MMP27: variants seen among roughly 807,000 people sequenced by gnomAD.
MMP27 encodes the protein matrix metalloproteinase-27.
MMP27 carries 51 observed loss-of-function variants against 48.1 expected under a neutral mutation model. The observed-to-expected ratio is 1.06, with a 90% CI of 0.85 to 1.34. The LOEUF is 1.34. MMP27 is among the 40% of genes most tolerant of loss of function. The pLI is 0.00. For missense variants in MMP27, 698 were observed against 619.3 expected (o/e 1.13, Z -1.35); for synonymous variants, 229 against 208.9 (o/e 1.10, Z -0.83).
chr11:102,692,397 T>C (rs555638530), intron 9 of MMP27, among the ~76,000 whole-genome samples: 2 of 152,306 alleles, frequency 1.3e-5, no homozygotes, highest in East Asian at 3.9e-4. Context: ...GGTTTTGAGG[T>C]TCTGTGTTAG....
Position 102,702,757 on chromosome 11 carries a change from T to C in MMP27, c.615A>G (p.Gly205=). 6.2e-7 allele frequency: 1 copy of C among 1,607,926 alleles called. No individual in the cohort carries two copies. Among genetic ancestry groups the C allele is most frequent in the Middle Eastern group, 1.7e-4 (1 of 6,014 alleles). ...CATAAAGAAAATTAGACTCACCTGC[T>C]CCATCCTTGGTCCAGTTTTCATCCT... is the stretch of plus-strand genomic sequence containing the variant. ...FDEDENWTKD[G]AGFNLFLVAA... Residue 205 remains glycine (G), a synonymous_variant, in exon 4 of 10, where the codon GGA becomes GGG. Transcript: ENST00000260229.
rs1469299137 is a variant in MMP27 at position 102,704,567 on chromosome 11, G to A, written c.311C>T (p.Pro104Leu). ...GGTGAGGTTGTATTTTCTCCACCCA[G>A]GGAGGGTGTAGCCATACTGGCCCAC... is the stretch of plus-strand genomic sequence containing the variant. ...PDVGQYGYTL[P>L]GWRKYNLTYR... is the part of the protein sequence containing the mutation. The change falls in exon 2 of 10, where the codon CCT (proline) becomes CTT (leucine). Residue 104 changes from proline (P) to leucine (L), a missense_variant. Transcript: ENST00000260229. The A allele has an allele frequency of 1.2e-6, 2 of 1,613,828 alleles. No individual in the cohort carries two copies. Among genetic ancestry groups the A allele is most frequent in the South Asian group, 1.1e-5 (1 of 91,072 alleles).
chr11:102,704,575 G>A lies in MMP27; in HGVS notation c.303C>T (p.Tyr101=). 1.2e-6 allele frequency: 2 copies of A among 1,614,070 alleles called. No individual in the cohort carries two copies. The highest frequency in any genetic ancestry group is 1.7e-6 in the Non-Finnish European group (2 of 1,179,956). The change falls in exon 2 of 10, where the codon TAC becomes TAT. Residue 101 remains tyrosine, a synonymous_variant. Transcript: ENST00000260229. ...TGTATTTTCTCCACCCAGGGAGGGT[G>A]TAGCCATACTGGCCCACATCAGGCA... ...CGVPDVGQYG[Y]TLPGWRKYNL...
chr11:102,701,788 G>T (rs968580784), intron 4 of MMP27, among the ~76,000 whole-genome samples: 2 of 152,194 alleles, frequency 1.3e-5, no homozygotes, highest in Admixed American at 1.3e-4. Context: ...CACCTGTTCT[G>T]ACTGAGCAGT....
Position 102,702,694 on chromosome 11 carries a change from T to A in MMP27, c.619+59A>T, listed in dbSNP as rs1591662270. On this transcript the variant is annotated intron_variant, in intron 4 of 9. Coordinates refer to ENST00000260229, the MANE Select transcript of MMP27 (RefSeq NM_022122.3). ...TAAAAAGCAGCTAGTTACAAAGCTATTCTTTTCAGGGATTCTTTAGAATAA... is the reference window on the plus strand; with the variant it reads ...TAAAAAGCAGCTAGTTACAAAGCTAATCTTTTCAGGGATTCTTTAGAATAA... 3.3e-6 allele frequency: 5 copies of A among 1,533,564 alleles called. No individual in the cohort carries two copies. In the East Asian group the frequency reaches 1.1e-4, roughly 35 times the overall value. 95.0% of individuals were successfully genotyped at this position (1,533,564 alleles called of 1,614,324 possible).
At position 102,692,255 on chromosome 11, in the gene MMP27, G is replaced by A. The variant is rs188415223; in HGVS notation, c.1298-245C>T. On this transcript the variant is annotated intron_variant, in intron 9 of 9. Transcript: ENST00000260229. ...TTTTTACCTTTCTAGCCAGACTGTG[G>A]TCTATGCCAGAGGTTTTCAAACTAG... is the stretch of plus-strand genomic sequence containing the variant. Among the ~76,000 whole-genome samples, 17 of 152,292 alleles carry A rather than the reference G, an allele frequency of 1.1e-4. No homozygotes were observed. The East Asian group carries it at 2.1e-3, about 19-fold the overall frequency.
chr11:102,696,295 CT>C, intron 6 of MMP27, 75 bp downstream of exon 6: 1 of 1,513,244 alleles, frequency 6.6e-7, no homozygotes. Flanking sequence ...AGCCCCATGA[CT>C]ACCTCTTTAT....
rs777472661 is a variant in MMP27, at chr11:102,703,089, C to T, written c.371G>A (p.Arg124Gln). The change falls in exon 3 of 10, where the codon CGA becomes CAA. Residue 124 changes from arginine (R) to glutamine (Q), a missense_variant. Arg to Gln is a conservative substitution (Grantham distance 43, BLOSUM62 1). Transcript: ENST00000260229. The stretch of plus-strand genomic sequence containing the variant: ...TTGGATAGCCTCATCCACAGCAGCT[C>T]GTGCCATATCCGGAGTATAGTTTAT... Reference protein sequence around the residue: ...RIINYTPDMARAAVDEAIQEG... With the variant: ...RIINYTPDMAQAAVDEAIQEG... 7 of 1,613,672 alleles carry T rather than the reference C, an allele frequency of 4.3e-6. No homozygotes were observed. The highest frequency in any genetic ancestry group is 1.3e-5 in the African/African-American group (1 of 74,888).
At chr11:102,698,822 C>G (rs765472092) in intron 4 of MMP27, among the ~76,000 whole-genome samples, 3 of 152,168 alleles carry the variant, frequency 2.0e-5, no homozygotes, top group Non-Finnish European at 4.4e-5. Flanking sequence ...AAAGTTATTT[C>G]CTTCATGTAA....
chr11:102,703,178 T>G, intron 2 of MMP27, 60 bp from the exon 3 acceptor site: 1 of 1,485,258 alleles, frequency 6.7e-7, no homozygotes, highest in East Asian at 2.3e-5. Flanking sequence ...TATACACACA[T>G]AACTACAAAA....
chr11:102,693,887 C>T lies in MMP27; in HGVS notation c.1193+19G>A. On this transcript the variant is annotated intron_variant, in intron 8 of 9. Transcript: ENST00000260229. ...TTTTCTCCATAATAAAACAAAGTGT[C>T]AATTGTCTGTAAACTTACCTCCAGC... The T allele has an allele frequency of 6.4e-7, 1 of 1,559,666 alleles. No homozygotes were observed. The highest frequency in any genetic ancestry group is 2.3e-5 in the East Asian group (1 of 42,664).
At chr11:102,694,471 T>TAGC (rs1860786443) in intron 7 of MMP27, among the ~76,000 whole-genome samples, 1 of 152,296 alleles carries the variant, frequency 6.6e-6, no homozygotes. Context: ...CCCCAAGTGC[T>TAGC]CTCAAAGGCT....
intron 6 of MMP27, 76 bp from the exon 7 acceptor site, chr11:102,695,173 C>T: frequency 1.3e-6 from 2 of 1,519,214 alleles, no homozygotes; most frequent in Non-Finnish European, 1.8e-6. Flanking sequence ...TTAGGCTTGC[C>T]TTTTAGCTAA....
intron 4 of MMP27, among the ~76,000 whole-genome samples, chr11:102,698,809 T>C (rs985045489): frequency 7.9e-5 from 12 of 152,150 alleles, no homozygotes; most frequent in Non-Finnish European, 1.3e-4. Flanking sequence ...AGGACTCCCC[T>C]CTAAAGTTAT....
chr11:102,691,773 T>C lies in MMP27; in HGVS notation c.1535A>G (p.Tyr512Cys). 1 of 1,586,066 alleles carries C rather than the reference T, an allele frequency of 6.3e-7. No individual in the cohort carries two copies. Among genetic ancestry groups the C allele is most frequent in the Non-Finnish European group, 8.6e-7 (1 of 1,162,146 alleles). ...TATTTTAGGTCTATGAATTTATTGA[T>C]AAATAGAAGTGTTTTTCAGCAAATG... is the stretch of plus-strand genomic sequence containing the variant. The part of the protein sequence containing the change: ...IVHLLKNTSI[Y>C]Q The change falls in exon 10 of 10, where the codon TAT becomes TGT. Residue 512 changes from tyrosine to cysteine, a missense_variant. Coordinates refer to ENST00000260229, the MANE Select transcript of MMP27 (RefSeq NM_022122.3).
chr11:102,691,813 T>C lies in MMP27; in HGVS notation c.1495A>G (p.Ile499Val). The C allele has an allele frequency of 6.2e-7, 1 of 1,608,692 alleles. No individual in the cohort carries two copies. Among genetic ancestry groups the C allele is most frequent in the Non-Finnish European group, 8.5e-7 (1 of 1,176,992 alleles). The change falls in exon 10 of 10, where the codon ATT becomes GTT. Residue 499 changes from isoleucine to valine, a missense_variant. Physicochemically the swap from Ile to Val is conservative, Grantham distance 29. Transcript: ENST00000260229. ...TTCAGCAAATGAACAATACCAAAAATAAACAAGCTTAAACTCTTATGATAC... is the reference window on the plus strand; with the variant it reads ...TTCAGCAAATGAACAATACCAAAAACAAACAAGCTTAAACTCTTATGATAC... Reference protein sequence around the residue: ...ILYHKSLSLFIFGIVHLLKNT... With the variant: ...ILYHKSLSLFVFGIVHLLKNT...
chr11:102,693,549 G>A (rs1285685670), intron 8 of MMP27, among the ~76,000 whole-genome samples: 5 of 152,096 alleles, frequency 3.3e-5, no homozygotes, highest in East Asian at 1.9e-4. Context: ...TTGAGAGGCC[G>A]AGGTGGGTGG....
At position 102,692,944 on chromosome 11, in the gene MMP27, A is replaced by G. The variant is rs1215534073; in HGVS notation, c.1291T>C (p.Tyr431His). 6.2e-7 allele frequency: 1 copy of G among 1,612,432 alleles called. No individual in the cohort carries two copies. The highest frequency in any genetic ancestry group is 1.3e-5 in the African/African-American group (1 of 74,854). The change falls in exon 9 of 10, where the codon TAC becomes CAC. Residue 431 changes from tyrosine (Y) to histidine (H), a missense_variant. Tyr to His is a moderately conservative substitution (Grantham distance 83, BLOSUM62 2). Transcript: ENST00000260229. ...GTGAGACATCCATGCTTACCTTTGT[A>G]CTGGAAAGCAGCATCAACACGGATA... The part of the protein sequence containing the change: ...ISIRVDAAFQ[Y>H]KGFFFFSRGS...
chr11:102,701,310 T>A (rs1860936165), intron 4 of MMP27, among the ~76,000 whole-genome samples: 2 of 146,838 alleles, frequency 1.4e-5, no homozygotes, highest in African/African-American at 5.0e-5. Flanking sequence ...TAAAAAAAAA[T>A]AACTTACCCC....
Sources: gnomAD v4.1 joint callset for allele counts (sites outside exome capture counted in the v4.1 genomes callset) on GRCh38, gnomAD v4.1.1 for gene constraint, MANE v1.5 for transcripts, NCBI Gene and HGNC (gene_info 2026-07-23, HGNC 2026-07-21) for gene names.